Variants in PIK3CD observed in about 807,000 individuals in gnomAD.
PIK3CD encodes the protein phosphatidylinositol 4,5-bisphosphate 3-kinase catalytic subunit delta isoform.
PIK3CD carries 20 observed loss-of-function variants against 122.9 expected under a neutral mutation model. The ratio of observed to expected loss-of-function variants is 0.16; its 90% CI spans 0.11 to 0.24. PIK3CD has a LOEUF of 0.24. Among genes scored for constraint, PIK3CD ranks in the 10% least tolerant of loss-of-function variants. The pLI is 1.00. For synonymous variants in PIK3CD, 596 were observed against 593.4 expected (o/e 1.00, Z -0.06); for missense variants, 787 against 1,406.3 (o/e 0.56, Z 7.04).
At chr1:9,707,802 T>G (rs571495741) in intron 2 of PIK3CD, among the ~76,000 whole-genome samples, 4 of 91,204 alleles carry the variant, frequency 4.4e-5, no homozygotes, top group East Asian at 5.7e-4. Context: ...ATAATTTTGT[T>G]TTTTTTTTTG....
At chr1:9,726,377 C>A (rs1273470337) in intron 23 of PIK3CD, among the ~76,000 whole-genome samples, 1 of 151,946 alleles carries the variant, frequency 6.6e-6, no homozygotes, top group Non-Finnish European at 1.5e-5. Flanking sequence ...GGTGTGGTGG[C>A]GGCTGCCTGT....
In PIK3CD at chr1:9,717,632, G is replaced by T. The variant is rs1295512352; in HGVS notation, c.1020+6G>T. The T allele has an allele frequency of 1.2e-6, 2 of 1,613,650 alleles. No individual in the cohort carries two copies. The highest frequency in any genetic ancestry group is 1.7e-6 in the Non-Finnish European group (2 of 1,179,630). On this transcript the variant is annotated splice_donor_region_variant and intron_variant, in intron 8 of 23. Transcript: ENST00000377346. This position sits in a 1 kb window ranked among gnomAD's most constrained non-coding sequence, Gnocchi z 5.4. Reference sequence around the variant, plus strand: ...ACGCCGACGAGCGGATGAAGGTGGGGCTCCTGGGATAGGTGGGAGAGACAC... The same window carrying T: ...ACGCCGACGAGCGGATGAAGGTGGGTCTCCTGGGATAGGTGGGAGAGACAC...
At chr1:9,690,884 G>C (rs547472498) in intron 1 of PIK3CD, among the ~76,000 whole-genome samples, 12 of 152,258 alleles carry the variant, frequency 7.9e-5, no homozygotes, top group African/African-American at 2.9e-4. Flanking sequence ...GACTGGGCTG[G>C]AGCTCTAGTG....
At chr1:9,692,744 A>T (rs1320692104) in intron 2 of PIK3CD, among the ~76,000 whole-genome samples, 1 of 152,182 alleles carries the variant, frequency 6.6e-6, no homozygotes, top group South Asian at 2.1e-4. Flanking sequence ...AAATAAATAA[A>T]TAAAATAAAT....
rs965087668 is a variant in PIK3CD at position 9,652,291 on chromosome 1, A to C, written c.-138+489A>C. Among the ~76,000 whole-genome samples the C allele has an allele frequency of 2.0e-5, 3 of 151,974 alleles. No individual in the cohort carries two copies. Among genetic ancestry groups the C allele is most frequent in the Admixed American group, 6.5e-5 (1 of 15,280 alleles). On this transcript the variant is annotated intron_variant, in intron 1 of 23. Transcript: ENST00000377346. This position sits in a 1 kb window ranked among gnomAD's most constrained non-coding sequence, Gnocchi z 6.2. ...GAGAGCGCGCTGGTGATGTCGCCCGAGTGCCCTGGCGCGGAGAGAGGGCTG... is the reference window on the plus strand; with the variant it reads ...GAGAGCGCGCTGGTGATGTCGCCCGCGTGCCCTGGCGCGGAGAGAGGGCTG...
rs202142608 is a variant in PIK3CD at position 9,724,079 on chromosome 1, G to A, written c.2705G>A (p.Arg902Gln). ...CGGCACAGCGACAACATCATGATCCGAGAGAGTGGGCAGGTACAGGGGCTG... is the reference window on the plus strand; with the variant it reads ...CGGCACAGCGACAACATCATGATCCAAGAGAGTGGGCAGGTACAGGGGCTG... ...GDRHSDNIMI[R>Q]ESGQLFHIDF... Residue 902 changes from arginine to glutamine, a missense_variant, in exon 21 of 24, where the codon CGA becomes CAA. Physicochemically the swap from Arg to Gln is conservative, Grantham distance 43. Coordinates refer to ENST00000377346, the MANE Select transcript of PIK3CD (RefSeq NM_005026.5). The surrounding 1 kb of genome is among the most constrained non-coding windows in gnomAD (Gnocchi z 7.3). The A allele has an allele frequency of 3.1e-6, 5 of 1,614,184 alleles. No individual in the cohort carries two copies. The highest frequency in any genetic ancestry group is 1.1e-5 in the South Asian group (1 of 91,084).
At chr1:9,666,227 CTTTTTTTTTTTTTTTTTT>C (rs573382597) in intron 1 of PIK3CD, among the ~76,000 whole-genome samples, 1 of 44,198 alleles carries the variant, frequency 2.3e-5, no homozygotes, top group Non-Finnish European at 3.8e-5. Flanking sequence ...CGCGCCCGGT[CTTTTTTTTTTTTTTTTTT>C]TTTTTTTTTT....
chr1:9,721,420 C>T (rs775084157), intron 14 of PIK3CD, 24 bp from the exon 15 acceptor site: 10 of 1,612,578 alleles, frequency 6.2e-6, no homozygotes, highest in Non-Finnish European at 8.5e-6. Flanking sequence ...GAGCTCCAGG[C>T]CCCAGCGCCT....
At chr1:9,634,591 G>A in the PIK3CD span, among the ~76,000 whole-genome samples, 5 of 152,174 alleles carry the variant, frequency 3.3e-5, no homozygotes, top group African/African-American at 7.2e-5. Context: ...GAGCCACTGC[G>A]TCCAGCCTCC....
chr1:9,720,292 C>G lies in PIK3CD; in HGVS notation c.1470+50C>G, dbSNP rs1488961530. On this transcript the variant is annotated intron_variant, in intron 11 of 23. Coordinates refer to ENST00000377346, the MANE Select transcript of PIK3CD (RefSeq NM_005026.5). The surrounding 1 kb of genome is among the most constrained non-coding windows in gnomAD (Gnocchi z 9.0). ...GGCTGAGGGGCTGGCGCGGAGCTCT[C>G]CTGGCCCTGCTCCTGGAGCTCTTCA... The G allele has an allele frequency of 6.4e-7, 1 of 1,573,128 alleles. No individual in the cohort carries two copies. The highest frequency in any genetic ancestry group is 2.3e-5 in the East Asian group (1 of 43,946).
At chr1:9,687,750 C>G (rs1218968921) in intron 1 of PIK3CD, among the ~76,000 whole-genome samples, 1 of 152,176 alleles carries the variant, frequency 6.6e-6, no homozygotes, top group Admixed American at 6.5e-5. Context: ...CTCTGTGTGT[C>G]CGTTTACATG....
At chr1:9,726,442 G>T (rs1649625597) in intron 23 of PIK3CD, among the ~76,000 whole-genome samples, 1 of 152,212 alleles carries the variant, frequency 6.6e-6, no homozygotes, top group South Asian at 2.1e-4. Context: ...CTGGGAGGCG[G>T]AGGTTGCAGT....
At position 9,720,686 on chromosome 1, in the gene PIK3CD, G is replaced by C; in HGVS notation, c.1521+25G>C. ...GGTGAGTGGGGTGGGGGTGTGGGGT[G>C]GGGGGCATGGAGCCGGCGTGGAACC... On this transcript the variant is annotated intron_variant, in intron 12 of 23. Coordinates refer to ENST00000377346, the MANE Select transcript of PIK3CD (RefSeq NM_005026.5). The surrounding 1 kb of genome is among the most constrained non-coding windows in gnomAD (Gnocchi z 9.0). The C allele has an allele frequency of 6.5e-7, 1 of 1,550,082 alleles. No individual in the cohort carries two copies. The highest frequency in any genetic ancestry group is 8.7e-7 in the Non-Finnish European group (1 of 1,149,962).
chr1:9,654,155 C>T lies in PIK3CD; in HGVS notation c.-138+2353C>T, dbSNP rs368001138. 7.0e-5 allele frequency: 91 copies of T among 1,305,874 alleles called. No homozygotes were observed. In the African/African-American group the frequency reaches 1.2e-3, roughly 17 times the overall value. The allele number at this position is 1,305,874 out of a possible 1,614,324, so 80.9% of individuals were successfully genotyped here. On this transcript the variant is annotated intron_variant, in intron 1 of 23. Transcript: ENST00000377346. ...TCTGAGCCCCACTTCCCCCGCCCTT[C>T]AGCCCCTGTTCAGAAACAGACTACA...
rs113619909 is a variant in PIK3CD at position 9,718,546 on chromosome 1, C to T, written c.1021-148C>T. ...CCAGGGCCGCTCATGCCCCTCAGGCCTTCCCTGTGCTGCACCACCTTCCTT... is the reference window on the plus strand; with the variant it reads ...CCAGGGCCGCTCATGCCCCTCAGGCTTTCCCTGTGCTGCACCACCTTCCTT... On this transcript the variant is annotated intron_variant, in intron 8 of 23. Coordinates refer to ENST00000377346, the MANE Select transcript of PIK3CD (RefSeq NM_005026.5). The surrounding 1 kb of genome is among the most constrained non-coding windows in gnomAD (Gnocchi z 7.2). The T allele has an allele frequency of 9.2e-4, 738 of 800,520 alleles. 7 individuals are homozygous for T. In the African/African-American group the frequency reaches 0.011, roughly 12 times the overall value. 49.6% of individuals were successfully genotyped at this position (800,520 alleles called of 1,614,324 possible).
intron 23 of PIK3CD, among the ~76,000 whole-genome samples, chr1:9,725,966 CTT>C (rs1649492148): frequency 6.6e-6 from 1 of 152,124 alleles, no homozygotes; most frequent in South Asian, 2.1e-4. Flanking sequence ...AATCCCAGCA[CTT>C]TGGGAGGCTG....
chr1:9,648,826 G>A (rs575652982), upstream of PIK3CD, among the ~76,000 whole-genome samples: 1 of 152,254 alleles, frequency 6.6e-6, no homozygotes. Flanking sequence ...ACCAGGCCGG[G>A]CGCAGTGGCT....
chr1:9,709,447 C>T (rs758937689), intron 2 of PIK3CD, among the ~76,000 whole-genome samples: 23 of 152,070 alleles, frequency 1.5e-4, no homozygotes, highest in Non-Finnish European at 2.9e-4. Flanking sequence ...TGGCTCATGT[C>T]TGTAATCCCA....
Position 9,727,075 on chromosome 1 carries a change from G to C in PIK3CD, c.*29G>C, listed in dbSNP as rs75798939. On this transcript the variant is annotated 3_prime_UTR_variant, in exon 24 of 24. Coordinates refer to ENST00000377346, the MANE Select transcript of PIK3CD (RefSeq NM_005026.5). ...CTCCTCCCAGCCCTGGGCCCAAGAG[G>C]AGGCGGCTGCGGGTCGTGGGGACCA... 1.4e-3 allele frequency: 2,330 copies of C among 1,613,900 alleles called. 30 individuals are homozygous for C. In the African/African-American group the frequency reaches 0.028, roughly 19 times the overall value.
Sources: allele counts gnomAD v4.1 joint callset (sites outside exome capture counted in the v4.1 genomes callset), GRCh38; gene constraint gnomAD v4.1.1; non-coding constraint Gnocchi (gnomAD v3.1); transcripts MANE v1.5; gene names NCBI Gene and HGNC (gene_info 2026-07-23, HGNC 2026-07-21).